The following CWF19L2 variants were observed in gnomAD, a reference collection of about 807,000 sequenced individuals.
The protein encoded by CWF19L2 is CWF19 like cell cycle control factor 2, also known as CWF19-like protein 2.
In CWF19L2, 98 loss-of-function variants were observed where a neutral mutation model predicts 111.7. That is an observed-to-expected ratio of 0.88 (90% CI 0.75 to 1.04). The LOEUF (loss-of-function observed/expected upper bound fraction) is 1.04. Ranked by LOEUF, CWF19L2 falls within the 50% of genes least tolerant of loss-of-function variation. The pLI is 0.00. For missense variants in CWF19L2, 1,101 were observed against 1,051.4 expected (o/e 1.05, Z -0.65); for synonymous variants, 351 against 342.9 (o/e 1.02, Z -0.26).
chr11:107,385,321 A>AC (rs1242277207), intron 12 of CWF19L2, among the ~76,000 whole-genome samples: 2 of 50,102 alleles, frequency 4.0e-5, no homozygotes, highest in Non-Finnish European at 7.5e-5. Flanking sequence ...ATTAAATAAT[A>AC]CAAAAAAAAA....
Position 107,442,978 on chromosome 11 carries a change from T to G in CWF19L2, c.411A>C (p.Lys137Asn), listed in dbSNP as rs1426761069. The G allele has an allele frequency of 1.3e-6, 2 of 1,551,724 alleles. No individual in the cohort carries two copies. Among genetic ancestry groups the G allele is most frequent in the Admixed American group, 3.9e-5 (2 of 51,012 alleles). ...TPDKEKAWKVKDEKSGKDDTQ... is the reference protein window; with the variant it reads ...TPDKEKAWKVNDEKSGKDDTQ... ...TGTCATCTTTTCCTGACTTTTCATC[T>G]TTCACTTTCCAGGCTTTTTCCTTGT... Residue 137 changes from lysine (K) to asparagine (N), a missense_variant, in exon 4 of 18, where the codon AAA becomes AAC. By Grantham distance (94) the Lys-to-Asn change is moderately conservative (BLOSUM62 0). Transcript: ENST00000282251.
chr11:107,454,636 C>A, intron 2 of CWF19L2, 64 bp from the exon 3 acceptor site: 1 of 1,139,758 alleles, frequency 8.8e-7, no homozygotes, highest in South Asian at 3.3e-5. Context: ...AGGATGTATT[C>A]TGAGAGAAAA....
At chr11:107,418,466 G>A (rs1198853971) in intron 8 of CWF19L2, among the ~76,000 whole-genome samples, 179 bp from the exon 9 acceptor site, 2 of 152,220 alleles carry the variant, frequency 1.3e-5, no homozygotes, top group East Asian at 1.9e-4. Flanking sequence ...AAAGTTCTCT[G>A]TTACAATGCC....
Position 107,330,021 on chromosome 11 carries a change from TA to T in CWF19L2, c.2440-3del. The T allele has an allele frequency of 6.5e-7, 1 of 1,540,094 alleles. No individual in the cohort carries two copies. On this transcript the variant is annotated splice_polypyrimidine_tract_variant and splice_region_variant and intron_variant, in intron 16 of 17. Transcript: ENST00000282251. ...GAAGTAAGGTAACCCTCTGGGTACC[TA>T]AATAAACAGACAAATCACAAATGGA...
intron 16 of CWF19L2, among the ~76,000 whole-genome samples, chr11:107,330,964 T>C (rs1859841758): frequency 6.6e-6 from 1 of 152,148 alleles, no homozygotes. Context: ...CACAGTATGA[T>C]ATAGTGGAGA....
chr11:107,454,669 A>G, intron 2 of CWF19L2, 97 bp from the exon 3 acceptor site: 1 of 854,084 alleles, frequency 1.2e-6, no homozygotes, highest in Non-Finnish European at 1.6e-6. Context: ...ATTCTAAAAA[A>G]CTTTCAATCT....
intron 3 of CWF19L2, among the ~76,000 whole-genome samples, chr11:107,445,463 A>G (rs668415): frequency 0.18 from 27,102 of 151,992 alleles, 2,598 homozygotes; most frequent in Middle Eastern, 0.27. Context: ...AATTAGCCAG[A>G]TGTGGTGGCG....
rs200491333 is a variant in CWF19L2, at chr11:107,387,457, CA to C, written c.1872+2616del. 1.2e-3 allele frequency among the ~76,000 whole-genome samples: 68 copies of C among 58,092 alleles called. 1 individual carries two copies. Among genetic ancestry groups the C allele is most frequent in the African/African-American group, 6.6e-3 (67 of 10,192 alleles). The allele number at this position is 58,092 out of a possible 152,430, so 38.1% of individuals were successfully genotyped here. ...CAGCCTTGCTAAAAACAAAACAAAACAAAACAAAACAAAAAACAAAAAAAAC... is the reference window on the plus strand; with the variant it reads ...CAGCCTTGCTAAAAACAAAACAAAACAAACAAAACAAAAAACAAAAAAAAC... On this transcript the variant is annotated intron_variant, in intron 12 of 17. Transcript: ENST00000282251.
intron 10 of CWF19L2, chr11:107,403,811 C>A (rs2135387151): frequency 1.2e-6 from 1 of 852,466 alleles, no homozygotes. Flanking sequence ...TACTGTCAGA[C>A]CGCACAACCT....
intron 12 of CWF19L2, among the ~76,000 whole-genome samples, chr11:107,362,685 T>A (rs1860373682): frequency 6.6e-6 from 1 of 150,774 alleles, no homozygotes; most frequent in Non-Finnish European, 1.5e-5. Flanking sequence ...ATCACCATCA[T>A]CAAAGACCAA....
At chr11:107,333,178 T>A (rs7358308) in intron 16 of CWF19L2, among the ~76,000 whole-genome samples, 40,539 of 151,922 alleles carry the variant, frequency 0.27, 5,649 homozygotes, top group Non-Finnish European at 0.31. Context: ...GATACAATAC[T>A]ATGTGATGCC....
chr11:107,426,761 A>G (rs1020383139), intron 8 of CWF19L2, among the ~76,000 whole-genome samples: 1 of 151,136 alleles, frequency 6.6e-6, no homozygotes. Context: ...TACATATATT[A>G]AATATATAAG....
chr11:107,373,353 G>C (rs561940163), intron 12 of CWF19L2, among the ~76,000 whole-genome samples: 2 of 133,272 alleles, frequency 1.5e-5, no homozygotes, highest in South Asian at 2.6e-4. Flanking sequence ...AGTAACCTTC[G>C]CAGACTTAAA....
intron 10 of CWF19L2, among the ~76,000 whole-genome samples, chr11:107,394,474 T>C (rs546451081): frequency 6.6e-6 from 1 of 152,316 alleles, no homozygotes; most frequent in East Asian, 1.9e-4. Context: ...CTTCCCTGAT[T>C]TGAAAGCATT....
Position 107,456,223 on chromosome 11 carries a change from TAAAG to T in CWF19L2, c.106-451_106-448del, listed in dbSNP as rs201470912. On this transcript the variant is annotated intron_variant, in intron 1 of 17. Transcript: ENST00000282251. ...TGCCTCAGGAAGAATCATCTCTGTA[TAAAG>T]AAAGGATCATATTGGTAATTTTTAT... Among the ~76,000 whole-genome samples the T allele has an allele frequency of 4.8e-3, 733 of 152,316 alleles. 5 individuals are homozygous for T. The highest frequency in any genetic ancestry group is 0.017 in the African/African-American group (701 of 41,582).
Position 107,368,123 on chromosome 11 carries a change from CCCA to C in CWF19L2, c.1873-14390_1873-14388del, listed in dbSNP as rs200129711. On this transcript the variant is annotated intron_variant, in intron 12 of 17. Transcript: ENST00000282251. ...CGGGCAGAATAAATTGAGACCCCCCCCCACACAAAAATACAAAAGATCAGTAAG... is the reference window on the plus strand; with the variant it reads ...CGGGCAGAATAAATTGAGACCCCCCCCACAAAAATACAAAAGATCAGTAAG... 1.2e-4 allele frequency among the ~76,000 whole-genome samples: 6 copies of C among 51,124 alleles called. 1 individual carries two copies. Among genetic ancestry groups the C allele is most frequent in the African/African-American group, 5.1e-4 (3 of 5,878 alleles). The allele number at this position is 51,124 out of a possible 152,430, so 33.5% of individuals were successfully genotyped here.
intron 10 of CWF19L2, among the ~76,000 whole-genome samples, chr11:107,407,815 T>G (rs1861101875): frequency 6.6e-6 from 1 of 152,006 alleles, no homozygotes; most frequent in Non-Finnish European, 1.5e-5. Context: ...AAATTAGACC[T>G]GAGAAAATAC....
chr11:107,387,468 AAAAAAC>A (rs1353002486), intron 12 of CWF19L2, among the ~76,000 whole-genome samples: 1 of 102,556 alleles, frequency 9.8e-6, no homozygotes, highest in Non-Finnish European at 2.0e-5. Flanking sequence ...AAAACAAAAC[AAAAAAC>A]AAAAAAAACC....
Position 107,353,750 on chromosome 11 carries a change from A to T in CWF19L2, c.1873-14T>A, listed in dbSNP as rs1375158452. 1.2e-6 allele frequency: 2 copies of T among 1,601,720 alleles called. No homozygotes were observed. Among genetic ancestry groups the T allele is most frequent in the South Asian group, 2.2e-5 (2 of 90,830 alleles). On this transcript the variant is annotated splice_polypyrimidine_tract_variant and intron_variant, in intron 12 of 17. Coordinates refer to ENST00000282251, the MANE Select transcript of CWF19L2 (RefSeq NM_152434.3). ...TTTTCCCATAAACTGAAAAACCAAA[A>T]TAACAGTAATAGAGAGTAGAAGGTA...
Sources: allele counts gnomAD v4.1 joint callset (sites outside exome capture counted in the v4.1 genomes callset), GRCh38; gene constraint gnomAD v4.1.1; transcripts MANE v1.5; gene names NCBI Gene and HGNC (gene_info 2026-07-23, HGNC 2026-07-21).